The following FRMD4B variants were observed in gnomAD, a reference collection of about 807,000 sequenced individuals.
The protein encoded by FRMD4B is FERM domain-containing protein 4B.
A neutral mutation model predicts 141.5 loss-of-function variants in FRMD4B; 74 were observed. That is an observed-to-expected ratio of 0.52 (90% CI 0.43 to 0.63). FRMD4B has a LOEUF of 0.63. FRMD4B is among the 30% of genes least tolerant of loss of function. The pLI is 0.00. For synonymous variants in FRMD4B, 506 were observed against 467.9 expected (o/e 1.08, Z -1.05); for missense variants, 1,366 against 1,253.4 (o/e 1.09, Z -1.36).
At chr3:69,184,991 G>T (rs529500615) in intron 19 of FRMD4B, among the ~76,000 whole-genome samples, 120 of 152,260 alleles carry the variant, frequency 7.9e-4, no homozygotes, top group Middle Eastern at 3.4e-3. Context: ...AGATTTCACT[G>T]CTCTTTAACA....
At chr3:69,183,421 C>G (rs1320559983) in intron 19 of FRMD4B, among the ~76,000 whole-genome samples, 1 of 150,468 alleles carries the variant, frequency 6.6e-6, no homozygotes, top group Non-Finnish European at 1.5e-5. Context: ...AGAACAACAG[C>G]TTTAAGTCAC....
Position 69,504,092 on chromosome 3 carries a change from TG to T in FRMD4B, c.-129+38113del, listed in dbSNP as rs140366236. ...ATCACTGTAAAATAATATTGGCATA[TG>T]TTTTTTTGAGACCTTCTTCTAAAGC... is the stretch of plus-strand genomic sequence containing the variant. On this transcript the variant is annotated intron_variant, in intron 1 of 5. Coordinates refer to the FRMD4B transcript ENST00000459638. 6.8e-3 allele frequency among the ~76,000 whole-genome samples: 1,037 copies of T among 152,322 alleles called. 16 individuals are homozygous for T. Among genetic ancestry groups the T allele is most frequent in the African/African-American group, 0.024 (992 of 41,564 alleles).
chr3:69,457,733 A>G (rs1176666336), intron 1 of FRMD4B, among the ~76,000 whole-genome samples: 2 of 152,246 alleles, frequency 1.3e-5, no homozygotes, highest in African/African-American at 4.8e-5. Flanking sequence ...ATTAGAAAAT[A>G]TATTTAGAAA....
chr3:69,324,567 C>T (rs1286130432), intron 1 of FRMD4B, among the ~76,000 whole-genome samples: 1 of 152,214 alleles, frequency 6.6e-6, no homozygotes, highest in African/African-American at 2.4e-5. Flanking sequence ...GTCAGTAGAT[C>T]CTCCCCCATA....
chr3:69,345,814 C>T lies in FRMD4B; in HGVS notation c.163-32297G>A, dbSNP rs146765517. Among the ~76,000 whole-genome samples, 690 of 152,302 alleles carry T rather than the reference C, an allele frequency of 4.5e-3. 7 individuals carry two copies. The highest frequency in any genetic ancestry group is 0.016 in the African/African-American group (648 of 41,582). ...AACTAACAAACAGAAAGGACATCCA[C>T]ACCAAAACCCCATCTGTACGTCACC... On this transcript the variant is annotated intron_variant, in intron 1 of 22. Coordinates refer to ENST00000398540, the MANE Select transcript of FRMD4B (RefSeq NM_015123.3).
intron 4 of FRMD4B, among the ~76,000 whole-genome samples, chr3:69,291,910 C>CTTTTTTTTTTTTT (rs35703345): frequency 4.7e-5 from 5 of 105,538 alleles, no homozygotes; most frequent in African/African-American, 1.1e-4. Flanking sequence ...ACAGGAATCT[C>CTTTTTTTTTTTTT]TTTTTTTTTT....
intron 7 of FRMD4B, among the ~76,000 whole-genome samples, chr3:69,246,171 C>T (rs188477354): frequency 1.5e-3 from 227 of 152,218 alleles, no homozygotes; most frequent in Non-Finnish European, 2.6e-3. Context: ...AGTTTTGTAA[C>T]AAGGCAGGGT....
upstream of FRMD4B, among the ~76,000 whole-genome samples, chr3:69,387,064 G>C (rs891778066): frequency 6.6e-6 from 1 of 152,040 alleles, no homozygotes; most frequent in Non-Finnish European, 1.5e-5. Context: ...GTTTTCCCTC[G>C]GGAATTGATG....
intron 1 of FRMD4B, among the ~76,000 whole-genome samples, chr3:69,316,595 A>G (rs1701810689): frequency 6.6e-6 from 1 of 152,148 alleles, no homozygotes; most frequent in African/African-American, 2.4e-5. Context: ...TTTCTATACC[A>G]GAGGAGGATA....
chr3:69,363,924 G>C (rs559386372), intron 1 of FRMD4B, among the ~76,000 whole-genome samples: 1 of 152,256 alleles, frequency 6.6e-6, no homozygotes, highest in Admixed American at 6.5e-5. Flanking sequence ...AGCCTGAGCA[G>C]CTTCTTCCAT....
intron 1 of FRMD4B, among the ~76,000 whole-genome samples, chr3:69,498,152 A>C (rs1391360598): frequency 1.3e-5 from 2 of 152,192 alleles, no homozygotes; most frequent in East Asian, 3.9e-4. Flanking sequence ...AGCTCAATGA[A>C]AAGAGAACAA....
rs564642466 is a variant in FRMD4B at position 69,411,184 on chromosome 3, C to T, written c.-1+21450G>A. Among the ~76,000 whole-genome samples the T allele has an allele frequency of 4.7e-4, 71 of 152,242 alleles. 1 individual carries two copies. Among genetic ancestry groups the T allele is most frequent in the African/African-American group, 1.6e-3 (67 of 41,544 alleles). On this transcript the variant is annotated intron_variant, in intron 2 of 5. Coordinates refer to the FRMD4B transcript ENST00000459638. ...TTATCCAGATTTGTACCTGAACTAT[C>T]CTAATTTTCTACATGGTGGCTACTA...
Position 69,313,438 on chromosome 3 carries a change from T to C in FRMD4B, c.228+14A>G. The C allele has an allele frequency of 6.4e-7, 1 of 1,553,022 alleles. No homozygotes were observed. The highest frequency in any genetic ancestry group is 8.7e-7 in the Non-Finnish European group (1 of 1,143,816). Reference sequence around the variant, plus strand: ...AAGACTTATCTGGGCAACACACATGTGGGCCACACCTACCTGAACCAGCAG... The same window carrying C: ...AAGACTTATCTGGGCAACACACATGCGGGCCACACCTACCTGAACCAGCAG... On this transcript the variant is annotated intron_variant, in intron 2 of 22. Transcript: ENST00000398540.
intron 1 of FRMD4B, among the ~76,000 whole-genome samples, chr3:69,518,486 G>A (rs1448426126): frequency 6.6e-6 from 1 of 152,144 alleles, no homozygotes; most frequent in African/African-American, 2.4e-5. Context: ...CATAGTAAAT[G>A]TTAGAATAGA....
chr3:69,191,081 G>T (rs1242905257), intron 17 of FRMD4B, among the ~76,000 whole-genome samples: 3 of 152,184 alleles, frequency 2.0e-5, no homozygotes, highest in Non-Finnish European at 2.9e-5. Context: ...ACTGTGTTCT[G>T]GTTGGCAATG....
intron 7 of FRMD4B, among the ~76,000 whole-genome samples, chr3:69,227,953 T>A (rs2093270183): frequency 1.3e-5 from 2 of 152,352 alleles, no homozygotes; most frequent in Admixed American, 6.5e-5. Flanking sequence ...GTACTTTTCA[T>A]TCAGTTCTTC....
intron 4 of FRMD4B, among the ~76,000 whole-genome samples, chr3:69,289,664 G>A (rs930638496): frequency 2.0e-4 from 30 of 152,178 alleles, no homozygotes; most frequent in South Asian, 2.1e-4. Flanking sequence ...GCGTGGTGGC[G>A]GGCGGGCACC....
At chr3:69,282,430 A>G (rs898212557) in intron 5 of FRMD4B, among the ~76,000 whole-genome samples, 4 of 152,284 alleles carry the variant, frequency 2.6e-5, no homozygotes, top group Admixed American at 2.6e-4. Flanking sequence ...CACTTTTGCC[A>G]ATCAATAAAT....
In FRMD4B at chr3:69,198,730, T is replaced by C; in HGVS notation, c.921A>G (p.Lys307=). Residue 307 remains lysine (K), a synonymous_variant, in exon 12 of 23, where the codon AAA becomes AAG. Transcript: ENST00000398540. Reference sequence around the variant, plus strand: ...GATCATGAACTTCAACAGCAAATTTTTTCTCACGGAAATATAAGTTCTCCA... The same window carrying C: ...GATCATGAACTTCAACAGCAAATTTCTTCTCACGGAAATATAAGTTCTCCA... ...KQLENLYFRE[K]KFAVEVHDPR... 1.3e-6 allele frequency: 2 copies of C among 1,569,210 alleles called. No individual in the cohort carries two copies. Among genetic ancestry groups the C allele is most frequent in the Non-Finnish European group, 1.7e-6 (2 of 1,150,352 alleles).
Sources: allele counts gnomAD v4.1 joint callset (sites outside exome capture counted in the v4.1 genomes callset), GRCh38; gene constraint gnomAD v4.1.1; transcripts MANE v1.5; gene names NCBI Gene and HGNC (gene_info 2026-07-23, HGNC 2026-07-21).